SNTG1: variants seen among roughly 807,000 people sequenced by gnomAD.
SNTG1 encodes gamma-1-syntrophin.
In SNTG1, 39 loss-of-function variants were observed where a neutral mutation model predicts 74.7. That is an observed-to-expected ratio of 0.52 (90% CI 0.40 to 0.68). The LOEUF (loss-of-function observed/expected upper bound fraction) is 0.68. SNTG1 is among the 30% of genes least tolerant of loss of function. SNTG1 has a pLI of 0.00. For synonymous variants in SNTG1, 254 were observed against 217.1 expected (o/e 1.17, Z -1.49); for missense variants, 685 against 609.5 (o/e 1.12, Z -1.30).
rs200249594 is a variant in SNTG1 at position 50,536,688 on chromosome 8, C to T, written c.560C>T (p.Ser187Leu). 6.8e-6 allele frequency: 11 copies of T among 1,613,628 alleles called. No homozygotes were observed. The highest frequency in any genetic ancestry group is 8.5e-6 in the Non-Finnish European group (10 of 1,179,760). The change falls in exon 11 of 19, where the codon TCA becomes TTA. Residue 187 changes from serine to leucine, a missense_variant. Physicochemically the swap from Ser to Leu is moderately radical, Grantham distance 145. Coordinates refer to ENST00000642720, the MANE Select transcript of SNTG1 (RefSeq NM_018967.5). Reference protein sequence around the residue: ...NYHPNNTDTLSCSSWPTSPGL... With the variant: ...NYHPNNTDTLLCSSWPTSPGL... ...TTATCTTCCTTTCAGGACACATTAT[C>T]ATGCTCGTCGTGGCCGACGTCTCCA...
At chr8:49,965,794 C>A (rs985772122) in intron 1 of SNTG1, among the ~76,000 whole-genome samples, 1 of 152,116 alleles carries the variant, frequency 6.6e-6, no homozygotes, top group Non-Finnish European at 1.5e-5. Context: ...TAGTTATCAT[C>A]CTCCTCTTTT....
At chr8:49,978,877 C>T (rs895282465) in intron 1 of SNTG1, among the ~76,000 whole-genome samples, 14 of 152,106 alleles carry the variant, frequency 9.2e-5, no homozygotes, top group African/African-American at 2.4e-4. Flanking sequence ...TAGCTGACTT[C>T]GGGATTCAGT....
At chr8:50,501,336 T>C (rs376709277) in intron 8 of SNTG1, among the ~76,000 whole-genome samples, 26 of 151,968 alleles carry the variant, frequency 1.7e-4, no homozygotes, top group African/African-American at 6.3e-4. Context: ...CTTCTGTCTT[T>C]CAGAGTTCTT....
At chr8:50,351,328 G>A (rs998545256) in intron 2 of SNTG1, among the ~76,000 whole-genome samples, 3 of 152,278 alleles carry the variant, frequency 2.0e-5, no homozygotes, top group Admixed American at 6.5e-5. Flanking sequence ...CACACAGAAC[G>A]TCCCTTCACT....
chr8:50,422,075 G>GA (rs1324042814), intron 4 of SNTG1, among the ~76,000 whole-genome samples: 3 of 152,140 alleles, frequency 2.0e-5, no homozygotes, highest in Non-Finnish European at 2.9e-5. Context: ...AAACGGCATG[G>GA]AAAGGAGAGG....
chr8:50,039,454 CAAAAAAAAAAA>C (rs568678808), intron 1 of SNTG1, among the ~76,000 whole-genome samples: 1 of 46,144 alleles, frequency 2.2e-5, no homozygotes, highest in African/African-American at 8.5e-5. Context: ...GACTCCGTCT[CAAAAAAAAAAA>C]AAAAAAAAAA....
At chr8:50,383,848 G>T (rs2092530587) in intron 2 of SNTG1, among the ~76,000 whole-genome samples, 1 of 152,164 alleles carries the variant, frequency 6.6e-6, no homozygotes, top group African/African-American at 2.4e-5. Flanking sequence ...AATCACCCCA[G>T]TCAGAGGAGT....
intron 1 of SNTG1, among the ~76,000 whole-genome samples, chr8:49,933,351 G>A (rs575961704): frequency 3.5e-4 from 53 of 152,198 alleles, no homozygotes; most frequent in African/African-American, 1.1e-3. Context: ...TATAATTAGC[G>A]ACTTTTTGAT....
chr8:50,601,258 A>T (rs778887486), intron 13 of SNTG1, among the ~76,000 whole-genome samples: 12 of 144,860 alleles, frequency 8.3e-5, no homozygotes, highest in Non-Finnish European at 1.6e-4. Flanking sequence ...GTAGGCACTT[A>T]TAGCTATAAA....
chr8:50,794,125 A>G lies in SNTG1; in HGVS notation c.*1296A>G, dbSNP rs146623863. On this transcript the variant is annotated 3_prime_UTR_variant, in exon 19 of 19. Coordinates refer to ENST00000642720, the MANE Select transcript of SNTG1 (RefSeq NM_018967.5). ...AAAAAGTCAGCTGTGTATGTAAAAA[A>G]AAAAAAAAATTTTTATTGATACACA... 1 of 151,842 alleles carries G rather than the reference A, an allele frequency of 6.6e-6. No homozygotes were observed. Among genetic ancestry groups the G allele is most frequent in the Non-Finnish European group, 1.5e-5 (1 of 67,902 alleles). 9.4% of individuals were successfully genotyped at this position (151,842 alleles called of 1,614,324 possible).
At chr8:50,605,548 A>G (rs1215442949) in intron 13 of SNTG1, among the ~76,000 whole-genome samples, 1 of 152,012 alleles carries the variant, frequency 6.6e-6, no homozygotes, top group Non-Finnish European at 1.5e-5. Flanking sequence ...CAAGCCCGCC[A>G]GTCGCTGTGC....
At chr8:50,044,371 C>A (rs1285659568) in intron 1 of SNTG1, among the ~76,000 whole-genome samples, 1 of 152,128 alleles carries the variant, frequency 6.6e-6, no homozygotes, top group African/African-American at 2.4e-5. Context: ...TTGTAAGAAT[C>A]CTGAGTGTCT....
rs568306451 is a variant in SNTG1 at position 50,228,351 on chromosome 8, T to A, written c.-28+55716T>A. On this transcript the variant is annotated intron_variant, in intron 2 of 18. Transcript: ENST00000642720. ...CTACCTTACAAAGAAAAAAAGATGA[T>A]CAGAAGGAATATTTGAAATTATGAT... 7.2e-5 allele frequency among the ~76,000 whole-genome samples: 11 copies of A among 151,988 alleles called. No individual in the cohort carries two copies. In the East Asian group the frequency reaches 1.9e-3, roughly 27 times the overall value.
At chr8:50,479,575 G>T (rs2093723616) in intron 8 of SNTG1, among the ~76,000 whole-genome samples, 1 of 152,032 alleles carries the variant, frequency 6.6e-6, no homozygotes, top group African/African-American at 2.4e-5. Flanking sequence ...CACCTACACA[G>T]AATTTGATTT....
intron 8 of SNTG1, among the ~76,000 whole-genome samples, chr8:50,475,889 C>A (rs2093693453): frequency 6.6e-6 from 1 of 152,148 alleles, no homozygotes; most frequent in South Asian, 2.1e-4. Context: ...CAGCAGTCCC[C>A]TCCTTACCCA....
At chr8:50,244,728 A>C (rs2086315605) in intron 2 of SNTG1, among the ~76,000 whole-genome samples, 1 of 152,204 alleles carries the variant, frequency 6.6e-6, no homozygotes, top group African/African-American at 2.4e-5. Flanking sequence ...ATGAATATTT[A>C]CCAACTCTTT....
At chr8:50,346,798 C>T (rs887926861) in intron 2 of SNTG1, among the ~76,000 whole-genome samples, 1 of 152,216 alleles carries the variant, frequency 6.6e-6, no homozygotes, top group African/African-American at 2.4e-5. Context: ...CTACAACATT[C>T]CCTTAAGCCA....
intron 2 of SNTG1, among the ~76,000 whole-genome samples, chr8:50,176,897 T>C (rs1220648079): frequency 3.3e-5 from 5 of 152,168 alleles, no homozygotes; most frequent in Non-Finnish European, 7.4e-5. Flanking sequence ...GTTCTTGGTA[T>C]TGCTTTCCCT....
chr8:50,293,360 A>G (rs978016753), intron 2 of SNTG1, among the ~76,000 whole-genome samples: 44 of 149,112 alleles, frequency 3.0e-4, no homozygotes, highest in African/African-American at 9.9e-4. Context: ...CTCTTCTTAT[A>G]TAGAACCAGT....
Sources: allele counts gnomAD v4.1 joint callset (sites outside exome capture counted in the v4.1 genomes callset), GRCh38; gene constraint gnomAD v4.1.1; transcripts MANE v1.5; gene names NCBI Gene and HGNC (gene_info 2026-07-23, HGNC 2026-07-21).